Variants in SLC23A2 observed in about 807,000 individuals in gnomAD.
The protein encoded by SLC23A2 is Na(+)/L-ascorbic acid transporter 2.
A neutral mutation model predicts 73.3 loss-of-function variants in SLC23A2; 36 were observed. The ratio of observed to expected loss-of-function variants is 0.49; its 90% CI spans 0.38 to 0.65. The LOEUF (loss-of-function observed/expected upper bound fraction) is 0.65, where lower values mean the gene tolerates loss of function less well. Ranked by LOEUF, SLC23A2 falls within the 30% of genes least tolerant of loss-of-function variation. The probability of loss-of-function intolerance (pLI) is 0.00; values close to 1 mark genes in which losing one functional copy is unlikely to be tolerated. For synonymous variants in SLC23A2, 343 were observed against 327.3 expected (o/e 1.05, Z -0.52); for missense variants, 507 against 841.6 (o/e 0.60, Z 4.92).
chr20:4,933,397 T>C (rs1932810219), intron 2 of SLC23A2, among the ~76,000 whole-genome samples: 1 of 151,882 alleles, frequency 6.6e-6, no homozygotes, highest in Non-Finnish European at 1.5e-5. Context: ...GTGGATCACT[T>C]GAGGTCAGGA....
rs1333945622 is a variant in SLC23A2 at position 4,872,498 on chromosome 20, C to T, written c.1102+1438G>A. Among the ~76,000 whole-genome samples the T allele has an allele frequency of 6.6e-6, 1 of 152,120 alleles. No individual in the cohort carries two copies. The highest frequency in any genetic ancestry group is 2.4e-5 in the African/African-American group (1 of 41,430). The stretch of plus-strand genomic sequence containing the variant: ...CAGCTGCCTCTCCTGGACAGCCCAG[C>T]TTGTGCCCCTACTGGCGCCCACCTT... On this transcript the variant is annotated intron_variant, in intron 11 of 16. Coordinates refer to ENST00000338244, the MANE Select transcript of SLC23A2 (RefSeq NM_005116.6). This position sits in a 1 kb window ranked among gnomAD's most constrained non-coding sequence, Gnocchi z 4.4.
intron 15 of SLC23A2, among the ~76,000 whole-genome samples, chr20:4,860,331 C>G (rs145818891): frequency 6.6e-6 from 1 of 152,348 alleles, no homozygotes; most frequent in Admixed American, 6.5e-5. Flanking sequence ...AGCTGACGCT[C>G]TGCCTTGTTC....
chr20:4,952,616 A>G (rs538956422), intron 2 of SLC23A2, among the ~76,000 whole-genome samples: 1 of 152,360 alleles, frequency 6.6e-6, no homozygotes, highest in South Asian at 2.1e-4. Flanking sequence ...AAGACTGCTA[A>G]GCATGGATGC....
At chr20:4,896,942 C>A (rs1568613812) in intron 6 of SLC23A2, among the ~76,000 whole-genome samples, 1 of 152,178 alleles carries the variant, frequency 6.6e-6, no homozygotes, top group South Asian at 2.1e-4. Context: ...ATGGAAGCTG[C>A]TCCCTCAGCC....
chr20:4,899,638 G>C lies in SLC23A2; in HGVS notation c.399C>G (p.Asp133Glu). Residue 133 changes from aspartate to glutamate, a missense_variant, in exon 6 of 17, where the codon GAC (aspartate) becomes GAG (glutamate). Physicochemically the swap from Asp to Glu is conservative, Grantham distance 45. Transcript: ENST00000338244. This position sits in a 1 kb window ranked among gnomAD's most constrained non-coding sequence, Gnocchi z 4.9. Reference protein sequence around the residue: ...LLADAMCVGYDQWATSQLIGT... With the variant: ...LLADAMCVGYEQWATSQLIGT... The stretch of plus-strand genomic sequence containing the variant: ...CAATGAGCTGGCTGGTGGCCCACTG[G>C]TCGTACCCCACACACATGGCATCGG... The C allele has an allele frequency of 6.2e-7, 1 of 1,614,092 alleles. No individual in the cohort carries two copies. Among genetic ancestry groups the C allele is most frequent in the Non-Finnish European group, 8.5e-7 (1 of 1,179,962 alleles).
chr20:4,908,971 CTTTGT>C (rs1272843060), intron 4 of SLC23A2, among the ~76,000 whole-genome samples: 1 of 152,118 alleles, frequency 6.6e-6, no homozygotes, highest in African/African-American at 2.4e-5. Flanking sequence ...AAGAGAATGT[CTTTGT>C]TTTAAGGAAA....
At chr20:4,987,957 T>C (rs749353658) in intron 1 of SLC23A2, among the ~76,000 whole-genome samples, 55 of 149,140 alleles carry the variant, frequency 3.7e-4, no homozygotes, top group Admixed American at 1.7e-3. Flanking sequence ...ATAAAACCTA[T>C]GACAGTTAAA....
At chr20:4,975,611 C>T (rs1165274670) in intron 1 of SLC23A2, among the ~76,000 whole-genome samples, 1 of 151,922 alleles carries the variant, frequency 6.6e-6, no homozygotes, top group East Asian at 1.9e-4. Context: ...AAACTCCTGA[C>T]CTCAAGTGAT....
intron 11 of SLC23A2, 95 bp from the exon 12 acceptor site, chr20:4,870,148 T>G: frequency 9.9e-7 from 1 of 1,013,690 alleles, no homozygotes; most frequent in Non-Finnish European, 1.4e-6. Flanking sequence ...TGCAAGACTC[T>G]ACAAGATCCA....
intron 7 of SLC23A2, 28 bp from the exon 8 acceptor site, chr20:4,884,851 G>A: frequency 1.5e-6 from 2 of 1,360,682 alleles, no homozygotes; most frequent in South Asian, 2.6e-5. Context: ...AGTTTTTCTT[G>A]GAGTGACACT....
rs187802434 is a variant in SLC23A2 at position 5,000,775 on chromosome 20, T to A, written c.-282+631A>T. 2.1e-3 allele frequency among the ~76,000 whole-genome samples: 313 copies of A among 152,274 alleles called. 2 individuals carry two copies. Among genetic ancestry groups the A allele is most frequent in the African/African-American group, 7.1e-3 (294 of 41,556 alleles). On this transcript the variant is annotated intron_variant, in intron 1 of 16. Transcript: ENST00000338244. ...GTAGTCACACTCGAAATGTCATTTT[T>A]TCCCCCCGAAAGGTGGCAAGGAGGG... is the stretch of plus-strand genomic sequence containing the variant.
chr20:4,880,749 A>C (rs995198704), intron 9 of SLC23A2, among the ~76,000 whole-genome samples: 1 of 151,878 alleles, frequency 6.6e-6, no homozygotes, highest in African/African-American at 2.4e-5. Context: ...CTGGGTGCTC[A>C]GAGCAAAGGG....
chr20:4,877,943 T>C (rs1930723545), intron 9 of SLC23A2, among the ~76,000 whole-genome samples: 1 of 152,246 alleles, frequency 6.6e-6, no homozygotes, highest in African/African-American at 2.4e-5. Flanking sequence ...TGACTTAGTT[T>C]GTACAACCTC....
intron 1 of SLC23A2, among the ~76,000 whole-genome samples, chr20:5,000,247 G>A (rs764870227): frequency 6.6e-6 from 1 of 152,080 alleles, no homozygotes; most frequent in Non-Finnish European, 1.5e-5. Flanking sequence ...CGGTGAAAAA[G>A]GCAGGTGTAG....
intron 1 of SLC23A2, among the ~76,000 whole-genome samples, chr20:4,996,321 C>T (rs2088019487): frequency 6.6e-6 from 1 of 152,082 alleles, no homozygotes; most frequent in South Asian, 2.1e-4. Context: ...CCACCAGGTG[C>T]TCAATGAGAT....
chr20:4,949,507 T>C (rs574631844), intron 2 of SLC23A2, among the ~76,000 whole-genome samples: 1 of 152,272 alleles, frequency 6.6e-6, no homozygotes, highest in East Asian at 1.9e-4. Flanking sequence ...CGGTGCCTTC[T>C]AAGAAGTGCA....
rs949040826 is a variant in SLC23A2, at chr20:4,868,690, G to A, written c.1251-815C>T. On this transcript the variant is annotated intron_variant, in intron 12 of 16. Transcript: ENST00000338244. The surrounding 1 kb of genome is among the most constrained non-coding windows in gnomAD (Gnocchi z 4.4). ...TGCAGCAGCTCCATTAGAGAAAGAT[G>A]GGGACATCAGGTACCAGAGCCAAGG... Among the ~76,000 whole-genome samples the A allele has an allele frequency of 6.6e-6, 1 of 152,144 alleles. No individual in the cohort carries two copies. Among genetic ancestry groups the A allele is most frequent in the Non-Finnish European group, 1.5e-5 (1 of 68,026 alleles).
intron 2 of SLC23A2, among the ~76,000 whole-genome samples, chr20:4,967,882 C>T (rs1297664208): frequency 6.6e-6 from 1 of 152,176 alleles, no homozygotes; most frequent in Non-Finnish European, 1.5e-5. Context: ...GCTATGAAAG[C>T]CAGGCACTCA....
intron 3 of SLC23A2, among the ~76,000 whole-genome samples, chr20:4,922,207 C>A (rs894792310): frequency 6.6e-6 from 1 of 152,084 alleles, no homozygotes; most frequent in African/African-American, 2.4e-5. Context: ...GGGGATTCAC[C>A]TAGAAGAAAG....
Sources: allele counts gnomAD v4.1 joint callset (sites outside exome capture counted in the v4.1 genomes callset), GRCh38; gene constraint gnomAD v4.1.1; non-coding constraint Gnocchi (gnomAD v3.1); transcripts MANE v1.5; gene names NCBI Gene and HGNC (gene_info 2026-07-23, HGNC 2026-07-21).